ANKRD36: variants seen among roughly 807,000 people sequenced by gnomAD.
The protein encoded by ANKRD36 is ankyrin repeat domain 36, also known as ankyrin repeat domain-containing protein 36A.
ANKRD36 carries 179 observed loss-of-function variants against 278.1 expected under a neutral mutation model. The ratio of observed to expected loss-of-function variants is 0.64; its 90% CI spans 0.57 to 0.73. ANKRD36 has a LOEUF of 0.73. ANKRD36 is among the 30% of genes least tolerant of loss of function. The probability of loss-of-function intolerance (pLI) is 0.00; values close to 1 mark genes in which losing one functional copy is unlikely to be tolerated. For synonymous variants in ANKRD36, 320 were observed against 641.1 expected (o/e 0.50, Z 7.57); for missense variants, 1,159 against 1,956.7 (o/e 0.59, Z 7.69).
At chr2:97,117,679 T>C (rs935543646) in intron 1 of ANKRD36, among the ~76,000 whole-genome samples, 2 of 143,922 alleles carry the variant, frequency 1.4e-5, no homozygotes, top group Non-Finnish European at 2.9e-5. Flanking sequence ...TAGTAATATC[T>C]AAAAATTATT....
At chr2:97,192,937 A>C in intron 37 of ANKRD36, 44 bp from the exon 38 acceptor site, 1 of 1,595,164 alleles carries the variant, frequency 6.3e-7, no homozygotes, top group East Asian at 2.3e-5. Context: ...TGGTCTATGA[A>C]ACATACTTTA....
chr2:97,162,862 G>T (rs1483958514), intron 18 of ANKRD36, among the ~76,000 whole-genome samples: 2 of 151,906 alleles, frequency 1.3e-5, no homozygotes, highest in Non-Finnish European at 2.9e-5. Context: ...TACCTCAGAG[G>T]CTGCTATGCT....
intron 22 of ANKRD36, among the ~76,000 whole-genome samples, chr2:97,175,022 T>G (rs2053816295): frequency 2.1e-5 from 3 of 144,642 alleles, no homozygotes; most frequent in African/African-American, 5.0e-5. Context: ...GCTGGATTCG[T>G]TTTGCCAGTA....
Position 97,194,502 on chromosome 2 carries a change from A to C in ANKRD36, c.2450-224A>C, listed in dbSNP as rs2059237962. ...TTATTTTAGCTTTCGACACATAAAAAATCATACTGTGTTTGAAATTGTAAG... is the reference window on the plus strand; with the variant it reads ...TTATTTTAGCTTTCGACACATAAAACATCATACTGTGTTTGAAATTGTAAG... On this transcript the variant is annotated intron_variant, in intron 38 of 75. Transcript: ENST00000420699. Among the ~76,000 whole-genome samples the C allele has an allele frequency of 3.3e-5, 5 of 151,628 alleles. No homozygotes were observed. The Admixed American group carries it at 3.3e-4, about 10-fold the overall frequency.
chr2:97,166,929 G>T (rs781392179), intron 20 of ANKRD36, among the ~76,000 whole-genome samples: 4 of 152,234 alleles, frequency 2.6e-5, no homozygotes, highest in Non-Finnish European at 5.9e-5. Context: ...ACAATGTGCG[G>T]GTTTGTTAAA....
Position 97,211,656 on chromosome 2 carries a change from A to C in ANKRD36, c.3397-13A>C, listed in dbSNP as rs1558827387. ...CTTTATTTATTGACTGTTTTGTTTC[A>C]AATTCTATTCAGGCTATCTGTGACA... On this transcript the variant is annotated splice_polypyrimidine_tract_variant and intron_variant, in intron 57 of 75. Transcript: ENST00000420699. 6.3e-7 allele frequency: 1 copy of C among 1,594,058 alleles called. No homozygotes were observed. Among genetic ancestry groups the C allele is most frequent in the Non-Finnish European group, 8.5e-7 (1 of 1,171,718 alleles).
chr2:97,222,136 A>G (rs1470845527), intron 66 of ANKRD36, among the ~76,000 whole-genome samples: 3 of 151,994 alleles, frequency 2.0e-5, no homozygotes, highest in Non-Finnish European at 4.4e-5. Context: ...CCATTGATCT[A>G]TATTTCTGTT....
Position 97,121,501 on chromosome 2 carries a change from G to A in ANKRD36, c.487-1386G>A, listed in dbSNP as rs529773730. ...TACAAATACAAAAAATTAGCTGGGT[G>A]TGGTGGCACACTCCTGTAGTCCCAG... On this transcript the variant is annotated intron_variant, in intron 3 of 75. Transcript: ENST00000420699. Among the ~76,000 whole-genome samples the A allele has an allele frequency of 4.6e-5, 7 of 152,224 alleles. No homozygotes were observed. The South Asian group carries it at 1.0e-3, about 23-fold the overall frequency.
At chr2:97,127,674 T>G (rs1271401186) in intron 6 of ANKRD36, among the ~76,000 whole-genome samples, 1 of 152,018 alleles carries the variant, frequency 6.6e-6, no homozygotes, top group Non-Finnish European at 1.5e-5. Flanking sequence ...TAGTTACAGC[T>G]GTAGTTTCCT....
At chr2:97,170,360 T>G (rs1000814503) in intron 22 of ANKRD36, among the ~76,000 whole-genome samples, 3 of 151,910 alleles carry the variant, frequency 2.0e-5, no homozygotes, top group Non-Finnish European at 4.4e-5. Context: ...AACAGAGCTA[T>G]AGATCAATGG....
intron 56 of ANKRD36, among the ~76,000 whole-genome samples, chr2:97,210,253 G>A (rs1224253234): frequency 6.6e-6 from 1 of 151,838 alleles, no homozygotes; most frequent in Non-Finnish European, 1.5e-5. Flanking sequence ...CAGATAACTT[G>A]TTGTAATAAC....
At chr2:97,144,850 C>G in intron 10 of ANKRD36, 138 bp downstream of exon 10, 2 of 1,246,296 alleles carry the variant, frequency 1.6e-6, no homozygotes, top group Non-Finnish European at 2.2e-6. Context: ...GTAATAAGTT[C>G]TGGAGTGATG....
chr2:97,178,408 G>A (rs186957780), intron 22 of ANKRD36, among the ~76,000 whole-genome samples: 362 of 151,950 alleles, frequency 2.4e-3, no homozygotes, highest in African/African-American at 8.4e-3. Context: ...ATTCACAATA[G>A]CAAAGACTTG....
chr2:97,138,694 G>A (rs1023074983), intron 6 of ANKRD36, among the ~76,000 whole-genome samples: 2 of 151,920 alleles, frequency 1.3e-5, no homozygotes, highest in Non-Finnish European at 2.9e-5. Flanking sequence ...TATACTACAA[G>A]GCTACAGTAA....
rs552738006 is a variant in ANKRD36, at chr2:97,235,209, T to C, written c.4093+1338T>C. On this transcript the variant is annotated intron_variant, in intron 68 of 75. Coordinates refer to ENST00000420699, the MANE Select transcript of ANKRD36 (RefSeq NM_001354587.1). The stretch of plus-strand genomic sequence containing the variant: ...TCTATGGAGTGAGGTGAGGTATGGA[T>C]TCAAGTTCACTTTTTGGATATGGAC... Among the ~76,000 whole-genome samples the C allele has an allele frequency of 2.6e-5, 4 of 151,784 alleles. No individual in the cohort carries two copies. In the South Asian group the frequency reaches 8.4e-4, roughly 32 times the overall value.
At chr2:97,164,781 A>G (rs2050174521) in intron 20 of ANKRD36, among the ~76,000 whole-genome samples, 1 of 152,304 alleles carries the variant, frequency 6.6e-6, no homozygotes, top group African/African-American at 2.4e-5. Flanking sequence ...CAGTGCTTCA[A>G]AATTGATTGC....
chr2:97,227,699 G>C (rs2070359034), intron 67 of ANKRD36, among the ~76,000 whole-genome samples: 1 of 152,078 alleles, frequency 6.6e-6, no homozygotes, highest in Non-Finnish European at 1.5e-5. Flanking sequence ...TCCCTGTCTT[G>C]TGCCCTCTTG....
At chr2:97,232,075 A>G (rs1170701388) in intron 67 of ANKRD36, among the ~76,000 whole-genome samples, 2,437 of 151,044 alleles carry the variant, frequency 0.016, no homozygotes, top group Middle Eastern at 0.031. Context: ...AATGCAAATT[A>G]TTTTTCACTT....
rs1044554812 is a variant in ANKRD36 at position 97,152,501 on chromosome 2, T to C, written c.1163-3T>C. 5 of 1,463,330 alleles carry C rather than the reference T, an allele frequency of 3.4e-6. No homozygotes were observed. Among genetic ancestry groups the C allele is most frequent in the African/African-American group, 2.8e-5 (2 of 72,562 alleles). 90.6% of individuals were successfully genotyped at this position (1,463,330 alleles called of 1,614,324 possible). On this transcript the variant is annotated splice_polypyrimidine_tract_variant and splice_region_variant and intron_variant, in intron 13 of 75. Coordinates refer to ENST00000420699, the MANE Select transcript of ANKRD36 (RefSeq NM_001354587.1). ...AAAATGCATTTTACTTTTTCTTTAA[T>C]AGTGCTTCCTCCTGTTGAAGAGGCT...
Sources: gnomAD v4.1 joint callset for allele counts (sites outside exome capture counted in the v4.1 genomes callset) on GRCh38, gnomAD v4.1.1 for gene constraint, MANE v1.5 for transcripts, NCBI Gene and HGNC (gene_info 2026-07-23, HGNC 2026-07-21) for gene names.